The following SPOCK1 variants were observed in gnomAD, a reference collection of about 807,000 sequenced individuals.
The protein encoded by SPOCK1 is testican-1.
Under a neutral mutation model 55.3 loss-of-function variants are expected in SPOCK1, and 23 were observed. The observed-to-expected ratio is 0.42, with a 90% CI of 0.30 to 0.59. The LOEUF (loss-of-function observed/expected upper bound fraction) is 0.59, where lower values mean the gene tolerates loss of function less well. SPOCK1 is among the 20% of genes least tolerant of loss of function. The pLI, the probability that SPOCK1 is intolerant of heterozygous loss-of-function variation, is 0.22. For synonymous variants in SPOCK1, 226 were observed against 221.0 expected (o/e 1.02, Z -0.20); for missense variants, 499 against 552.5 (o/e 0.90, Z 0.97).
At chr5:137,491,003 CTTAAA>C (rs1335552095) in intron 2 of SPOCK1, among the ~76,000 whole-genome samples, 1 of 152,156 alleles carries the variant, frequency 6.6e-6, no homozygotes, top group African/African-American at 2.4e-5. Context: ...AAGAAGCTCC[CTTAAA>C]TTAAATGATT....
At chr5:137,006,482 T>A (rs1268466192) in intron 6 of SPOCK1, among the ~76,000 whole-genome samples, 1 of 152,200 alleles carries the variant, frequency 6.6e-6, no homozygotes, top group Non-Finnish European at 1.5e-5. Context: ...GAATGGGAGT[T>A]TGCTCATGAT....
At chr5:137,113,890 C>T (rs1480440686) in intron 4 of SPOCK1, among the ~76,000 whole-genome samples, 1 of 152,108 alleles carries the variant, frequency 6.6e-6, no homozygotes, top group Non-Finnish European at 1.5e-5. Flanking sequence ...ATCTCCAGTC[C>T]TCAGGAATTC....
In SPOCK1 at chr5:137,082,242, G is replaced by A. The variant is rs1307584591; in HGVS notation, c.475-14413C>T. ...TGAGCAGACAAACTCACAAGGCTAG[G>A]TGGGATGCAGACATCTGATGTGGGA... On this transcript the variant is annotated intron_variant, in intron 5 of 10. Transcript: ENST00000394945. Among the ~76,000 whole-genome samples the A allele has an allele frequency of 3.3e-5, 5 of 152,196 alleles. No individual in the cohort carries two copies. The South Asian group carries it at 6.2e-4, about 19-fold the overall frequency.
At chr5:137,287,774 C>A (rs1188207686) in intron 2 of SPOCK1, among the ~76,000 whole-genome samples, 1 of 152,212 alleles carries the variant, frequency 6.6e-6, no homozygotes, top group Non-Finnish European at 1.5e-5. Flanking sequence ...CTAGGGCAAT[C>A]ATTCCCAGAG....
intron 3 of SPOCK1, among the ~76,000 whole-genome samples, chr5:137,249,977 G>A (rs1039911256): frequency 1.6e-4 from 25 of 152,172 alleles, no homozygotes; most frequent in African/African-American, 5.6e-4. Context: ...TTGATTCCAG[G>A]TGACTGTAAA....
In SPOCK1 at chr5:137,112,458, C is replaced by G; in HGVS notation, c.451G>C (p.Asp151His). 3 of 1,613,830 alleles carry G rather than the reference C, an allele frequency of 1.9e-6. No homozygotes were observed. Among genetic ancestry groups the G allele is most frequent in the African/African-American group, 2.7e-5 (2 of 75,016 alleles). The stretch of plus-strand genomic sequence containing the variant: ...ACCTTGGATGTGTAGGAGTGGCCAT[C>G]TGAGCCGCAGACCATGGCTGACTGT... Reference protein sequence around the residue: ...VAQSAMVCGSDGHSYTSKCKL... With the variant: ...VAQSAMVCGSHGHSYTSKCKL... The change falls in exon 5 of 11, where the codon GAT becomes CAT. Residue 151 changes from aspartate (D) to histidine (H), a missense_variant. Coordinates refer to ENST00000394945, the MANE Select transcript of SPOCK1 (RefSeq NM_004598.4).
chr5:137,088,668 AGTAAGGTC>A (rs1753002975), intron 5 of SPOCK1, among the ~76,000 whole-genome samples: 2 of 152,190 alleles, frequency 1.3e-5, no homozygotes, highest in Admixed American at 6.5e-5. Flanking sequence ...CAAAAAAGGT[AGTAAGGTC>A]AGAGTCCCTG....
chr5:137,282,120 G>A (rs1000632560), intron 2 of SPOCK1, among the ~76,000 whole-genome samples: 28 of 152,178 alleles, frequency 1.8e-4, no homozygotes, highest in African/African-American at 6.0e-4. Flanking sequence ...AACACCCAGC[G>A]CATAGGATGC....
At chr5:137,001,212 C>T (rs143208075) in intron 6 of SPOCK1, among the ~76,000 whole-genome samples, 91 of 152,244 alleles carry the variant, frequency 6.0e-4, no homozygotes, top group African/African-American at 2.1e-3. Flanking sequence ...AAGCACTCAG[C>T]TCCAGGCTTG....
At chr5:137,255,220 T>G (rs1035457187) in intron 3 of SPOCK1, among the ~76,000 whole-genome samples, 3 of 152,176 alleles carry the variant, frequency 2.0e-5, no homozygotes, top group African/African-American at 4.8e-5. Context: ...ACAAACCCCC[T>G]TCTGAGAACC....
intron 3 of SPOCK1, among the ~76,000 whole-genome samples, chr5:137,215,962 G>A (rs746246534): frequency 4.6e-5 from 7 of 152,158 alleles, no homozygotes; most frequent in East Asian, 1.9e-4. Flanking sequence ...GCAGAACTGC[G>A]GTTCAATCCA....
intron 5 of SPOCK1, among the ~76,000 whole-genome samples, chr5:137,109,296 T>G (rs532020295): frequency 6.6e-6 from 1 of 152,334 alleles, no homozygotes; most frequent in East Asian, 1.9e-4. Context: ...GAGCCCCAGG[T>G]TGGGTGTTCA....
At position 137,202,600 on chromosome 5, in the gene SPOCK1, G is replaced by A. The variant is rs555329631; in HGVS notation, c.233-61906C>T. ...CAATGAGTAAAAATTGTGTTGAACA[G>A]CCCTTAGAGGCTTTCAGTTCAAAAG... On this transcript the variant is annotated intron_variant, in intron 3 of 10. Coordinates refer to ENST00000394945, the MANE Select transcript of SPOCK1 (RefSeq NM_004598.4). Among the ~76,000 whole-genome samples the A allele has an allele frequency of 2.6e-5, 4 of 152,292 alleles. No homozygotes were observed. The South Asian group carries it at 8.3e-4, about 32-fold the overall frequency.
At chr5:137,343,645 TCA>T (rs1750488282) in intron 2 of SPOCK1, among the ~76,000 whole-genome samples, 1 of 152,208 alleles carries the variant, frequency 6.6e-6, no homozygotes, top group Non-Finnish European at 1.5e-5. Context: ...GGAAGCATAT[TCA>T]CACAGTTCCT....
intron 5 of SPOCK1, among the ~76,000 whole-genome samples, chr5:137,101,349 A>G (rs1237120777): frequency 1.3e-5 from 2 of 152,224 alleles, no homozygotes; most frequent in African/African-American, 4.8e-5. Flanking sequence ...CTCCTGATGA[A>G]GTGAGGCCAA....
At chr5:137,040,168 G>A (rs1420554355) in intron 6 of SPOCK1, among the ~76,000 whole-genome samples, 2 of 152,222 alleles carry the variant, frequency 1.3e-5, no homozygotes, top group Non-Finnish European at 2.9e-5. Flanking sequence ...CTCTGAGCCT[G>A]GAGCAAAAGG....
chr5:137,423,591 G>A (rs1012783797), intron 2 of SPOCK1, among the ~76,000 whole-genome samples: 2 of 152,186 alleles, frequency 1.3e-5, no homozygotes, highest in African/African-American at 4.8e-5. Flanking sequence ...CCAGGCGCGG[G>A]ATATAATCTC....
chr5:137,150,692 G>A (rs1245612694), intron 3 of SPOCK1, among the ~76,000 whole-genome samples: 3 of 152,108 alleles, frequency 2.0e-5, no homozygotes, highest in African/African-American at 7.2e-5. Flanking sequence ...GGCAGGTGTG[G>A]TGTATAAGGT....
At chr5:137,207,477 T>C (rs1755539508) in intron 3 of SPOCK1, among the ~76,000 whole-genome samples, 1 of 152,250 alleles carries the variant, frequency 6.6e-6, no homozygotes, top group African/African-American at 2.4e-5. Flanking sequence ...AGGTATAGGC[T>C]TCAGTTGCAA....
Sources: allele counts gnomAD v4.1 joint callset (sites outside exome capture counted in the v4.1 genomes callset), GRCh38; gene constraint gnomAD v4.1.1; transcripts MANE v1.5; gene names NCBI Gene and HGNC (gene_info 2026-07-23, HGNC 2026-07-21).